The following VMAC variants were observed in gnomAD, a reference collection of about 807,000 sequenced individuals.
The protein encoded by VMAC is vimentin-type intermediate filament-associated coiled-coil protein.
Under a neutral mutation model 4.8 loss-of-function variants are expected in VMAC, and 8 were observed. The ratio of observed to expected loss-of-function variants is 1.68; its 90% CI spans 0.99 to 3.03. The LOEUF is 3.03. Among genes scored for constraint, VMAC ranks in the 30% most tolerant of loss-of-function variants. VMAC has a pLI of 0.00. For synonymous variants in VMAC, 96 were observed against 113.7 expected (o/e 0.84, Z 0.99); for missense variants, 248 against 245.1 (o/e 1.01, Z -0.08).
intron 1 of VMAC, among the ~76,000 whole-genome samples, chr19:5,907,849 C>T (rs1043087154): frequency 1.3e-5 from 2 of 152,090 alleles, no homozygotes; most frequent in Non-Finnish European, 2.9e-5. Flanking sequence ...CTCACTGTCT[C>T]TCCTGCTGCC....
intron 1 of VMAC, among the ~76,000 whole-genome samples, chr19:5,906,162 G>T (rs896528230): frequency 6.6e-6 from 1 of 151,894 alleles, no homozygotes; most frequent in Non-Finnish European, 1.5e-5. Flanking sequence ...TAGAAATGGG[G>T]TCAGACTATG....
In VMAC at chr19:5,908,987, G is replaced by T. The variant is rs368098224; in HGVS notation, c.355G>T (p.Asp119Tyr). Residue 119 changes from aspartate (D) to tyrosine (Y), a missense_variant, in exon 2 of 2, where the codon GAT becomes TAT. By Grantham distance (160) the Asp-to-Tyr change is radical (BLOSUM62 -3). Coordinates refer to ENST00000339485, the MANE Select transcript of VMAC (RefSeq NM_001017921.4). The surrounding 1 kb of genome is among the most constrained non-coding windows in gnomAD (Gnocchi z 4.5). ...CCGGCCACCCCTGGCTGGGCTGCTGGATGCCCTGGCTGAGGCTGAGCGCCT... is the reference window on the plus strand; with the variant it reads ...CCGGCCACCCCTGGCTGGGCTGCTGTATGCCCTGGCTGAGGCTGAGCGCCT... ...RRRPPLAGLL[D>Y]ALAEAERLGP... is the part of the protein sequence containing the mutation. The T allele has an allele frequency of 1.1e-4, 169 of 1,609,372 alleles. No homozygotes were observed. Among genetic ancestry groups the T allele is most frequent in the Middle Eastern group, 1.6e-4 (1 of 6,068 alleles).
In VMAC at chr19:5,910,300, G is replaced by T. The variant is rs758170390; in HGVS notation, c.*1158G>T. 2 of 152,234 alleles carry T rather than the reference G, an allele frequency of 1.3e-5. No individual in the cohort carries two copies. The highest frequency in any genetic ancestry group is 2.9e-5 in the Non-Finnish European group (2 of 68,064). The allele number at this position is 152,234 out of a possible 1,614,324, so 9.4% of individuals were successfully genotyped here. ...TGTGCCTCCTGGTAGGGTCCTGCTG[G>T]GCCAGGTAGAATCTAGGGAGTGTAG... On this transcript the variant is annotated 3_prime_UTR_variant, in exon 2 of 2. Coordinates refer to ENST00000339485, the MANE Select transcript of VMAC (RefSeq NM_001017921.4).
In VMAC at chr19:5,908,296, G is replaced by C. The variant is rs777747126; in HGVS notation, c.192-528G>C. On this transcript the variant is annotated intron_variant, in intron 1 of 1. Coordinates refer to ENST00000339485, the MANE Select transcript of VMAC (RefSeq NM_001017921.4). This position sits in a 1 kb window ranked among gnomAD's most constrained non-coding sequence, Gnocchi z 4.5. ...CAGAGGTTGCACTGAACTCCAGCCTGGGCAACAGAGCGAGACTGTCTCAGA... is the reference window on the plus strand; with the variant it reads ...CAGAGGTTGCACTGAACTCCAGCCTCGGCAACAGAGCGAGACTGTCTCAGA... Among the ~76,000 whole-genome samples, 11 of 152,072 alleles carry C rather than the reference G, an allele frequency of 7.2e-5. No homozygotes were observed. Among genetic ancestry groups the C allele is most frequent in the Non-Finnish European group, 1.5e-4 (10 of 68,018 alleles).
rs146062502 is a variant in VMAC, at chr19:5,909,133, C to T, written c.501C>T (p.Thr167=). 17 of 1,540,430 alleles carry T rather than the reference C, an allele frequency of 1.1e-5. No individual in the cohort carries two copies. In the Admixed American group the frequency reaches 1.4e-4, roughly 13 times the overall value. ...ACCTCCAGCCTGCAGTGTTTGGGAC[C>T]ACAGTGTGAGCCCGGAATGCAGATT... The part of the protein sequence containing the change: ...RDHLQPAVFG[T]TV The change falls in exon 2 of 2, where the codon ACC becomes ACT. Residue 167 remains threonine, a synonymous_variant. Coordinates refer to ENST00000339485, the MANE Select transcript of VMAC (RefSeq NM_001017921.4).
At position 5,908,226 on chromosome 19, in the gene VMAC, C is replaced by T. The variant is rs1449942127; in HGVS notation, c.192-598C>T. 6.6e-6 allele frequency among the ~76,000 whole-genome samples: 1 copy of T among 152,148 alleles called. No homozygotes were observed. The highest frequency in any genetic ancestry group is 6.6e-5 in the Admixed American group (1 of 15,266). ...AGGCATGGTGGCGCATGCCTGTAAA[C>T]CCAGCTACTCGGGAGGTTGAGGAGG... On this transcript the variant is annotated intron_variant, in intron 1 of 1. Transcript: ENST00000339485. The surrounding 1 kb of genome is among the most constrained non-coding windows in gnomAD (Gnocchi z 4.5).
rs752771622 is a variant in VMAC at position 5,909,343 on chromosome 19, T to G, written c.*201T>G. 2.6e-4 allele frequency: 141 copies of G among 551,136 alleles called. No homozygotes were observed. Among genetic ancestry groups the G allele is most frequent in the South Asian group, 1.3e-3 (48 of 35,750 alleles). The allele number at this position is 551,136 out of a possible 1,614,324, so 34.1% of individuals were successfully genotyped here. A position where few individuals can be genotyped will look rare whatever the true frequency, so the allele number is the denominator to read the frequency against. The stretch of plus-strand genomic sequence containing the variant: ...TAACCCAGACAGAAGTGTTCTTGTT[T>G]GTTTTTAAGCTTTGAATCAGTCACC... On this transcript the variant is annotated 3_prime_UTR_variant, in exon 2 of 2. Coordinates refer to ENST00000339485, the MANE Select transcript of VMAC (RefSeq NM_001017921.4).
rs188731239 is a variant in VMAC, at chr19:5,906,601, A to T, written c.191+1520A>T. Among the ~76,000 whole-genome samples, 49 of 152,312 alleles carry T rather than the reference A, an allele frequency of 3.2e-4. 1 individual carries two copies. The highest frequency in any genetic ancestry group is 2.7e-3 in the Admixed American group (41 of 15,304). On this transcript the variant is annotated intron_variant, in intron 1 of 1. Coordinates refer to ENST00000339485, the MANE Select transcript of VMAC (RefSeq NM_001017921.4). Reference sequence around the variant, plus strand: ...GCCAGCGGCCATGATGGAGGGGCATATGGGGCTCTGAGGGATCTCAGAGTG... The same window carrying T: ...GCCAGCGGCCATGATGGAGGGGCATTTGGGGCTCTGAGGGATCTCAGAGTG...
chr19:5,905,926 C>T (rs1171708070), intron 1 of VMAC, among the ~76,000 whole-genome samples: 2 of 151,984 alleles, frequency 1.3e-5, no homozygotes, highest in Admixed American at 6.6e-5. Flanking sequence ...AACTCCTGGG[C>T]TCAAGCAGTC....
In VMAC at chr19:5,905,008, C is replaced by A. The variant is rs1311267881; in HGVS notation, c.118C>A (p.Gln40Lys). The change falls in exon 1 of 2, where the codon CAA becomes AAA. Residue 40 changes from glutamine (Q) to lysine (K), a missense_variant. Physicochemically the swap from Gln to Lys is moderately conservative, Grantham distance 53 (BLOSUM62 1). Transcript: ENST00000339485. Reference sequence around the variant, plus strand: ...CGCGGCGGAGCGCACGGTGCACGCCCAAGCCGAGCGCCTGGCCCTCCACGA... The same window carrying A: ...CGCGGCGGAGCGCACGGTGCACGCCAAAGCCGAGCGCCTGGCCCTCCACGA... ...LDAAERTVHA[Q>K]AERLALHDQQ... is the part of the protein sequence containing the mutation. The A allele has an allele frequency of 2.1e-6, 3 of 1,434,148 alleles. No homozygotes were observed. The highest frequency in any genetic ancestry group is 2.7e-6 in the Non-Finnish European group (3 of 1,104,182). 88.8% of individuals were successfully genotyped at this position (1,434,148 alleles called of 1,614,324 possible).
Position 5,909,233 on chromosome 19 carries a change from C to T in VMAC, c.*91C>T. On this transcript the variant is annotated 3_prime_UTR_variant, in exon 2 of 2. Coordinates refer to ENST00000339485, the MANE Select transcript of VMAC (RefSeq NM_001017921.4). ...AGCACCCTGCAGGGGGACCCTACGG[C>T]AGAGCCAAAGTCCTGTCTAAGCATC... 2.9e-6 allele frequency: 4 copies of T among 1,403,468 alleles called. No homozygotes were observed. The highest frequency in any genetic ancestry group is 1.8e-4 in the Middle Eastern group (1 of 5,406). 86.9% of individuals were successfully genotyped at this position (1,403,468 alleles called of 1,614,324 possible). A position where few individuals can be genotyped will look rare whatever the true frequency, so the allele number is the denominator to read the frequency against.
Position 5,904,926 on chromosome 19 carries a change from A to C in VMAC, c.36A>C (p.Ala12=), listed in dbSNP as rs2057672312. 6.7e-7 allele frequency: 1 copy of C among 1,491,356 alleles called. No individual in the cohort carries two copies. The allele number at this position is 1,491,356 out of a possible 1,614,324, so 92.4% of individuals were successfully genotyped here. A position where few individuals can be genotyped will look rare whatever the true frequency, so the allele number is the denominator to read the frequency against. The change falls in exon 1 of 2, where the codon GCA becomes GCC. Residue 12 remains alanine (A), a synonymous_variant. Coordinates refer to ENST00000339485, the MANE Select transcript of VMAC (RefSeq NM_001017921.4). ...SAPPALQIRE[A]NAHLAAVHRR... ...CGCCGGCCCTGCAGATCCGGGAGGC[A>C]AACGCACACCTGGCAGCCGTGCACC...
At chr19:5,906,486 G>GAGC (rs1307324054) in intron 1 of VMAC, among the ~76,000 whole-genome samples, 2 of 152,196 alleles carry the variant, frequency 1.3e-5, no homozygotes, top group African/African-American at 2.4e-5. Context: ...CTGAGTACTG[G>GAGC]AGCACATCAG....
chr19:5,905,179 C>T, intron 1 of VMAC, 98 bp downstream of exon 1: 1 of 1,208,366 alleles, frequency 8.3e-7, no homozygotes, highest in South Asian at 2.2e-5. Flanking sequence ...ACCGTGTGCA[C>T]TTGTATAGAC....
rs1180511182 is a variant in VMAC, at chr19:5,910,068, C to T, written c.*926C>T. 1 of 152,208 alleles carries T rather than the reference C, an allele frequency of 6.6e-6. No individual in the cohort carries two copies. Among genetic ancestry groups the T allele is most frequent in the East Asian group, 1.9e-4 (1 of 5,190 alleles). 9.4% of individuals were successfully genotyped at this position (152,208 alleles called of 1,614,324 possible). On this transcript the variant is annotated 3_prime_UTR_variant, in exon 2 of 2. Transcript: ENST00000339485. ...GTTTCAGACCAGAAAGGTCGGAGGC[C>T]ACCCACGGCCTTCAGGATGGCGCCC...
In VMAC at chr19:5,904,959, A is replaced by T. The variant is rs2057672605; in HGVS notation, c.69A>T (p.Ala23=). The stretch of plus-strand genomic sequence containing the variant: ...ACCTGGCAGCCGTGCACCGGCGCGC[A>T]GCGGAGCTGGAGGCGCGGCTGGACG... The part of the protein sequence containing the change: ...NAHLAAVHRR[A]AELEARLDAA... Residue 23 remains alanine (A), a synonymous_variant, in exon 1 of 2, where the codon GCA becomes GCT. Coordinates refer to ENST00000339485, the MANE Select transcript of VMAC (RefSeq NM_001017921.4). 1 of 1,478,994 alleles carries T rather than the reference A, an allele frequency of 6.8e-7. No individual in the cohort carries two copies. The highest frequency in any genetic ancestry group is 1.5e-5 in the African/African-American group (1 of 68,110). 91.6% of individuals were successfully genotyped at this position (1,478,994 alleles called of 1,614,324 possible). A position where few individuals can be genotyped will look rare whatever the true frequency, so the allele number is the denominator to read the frequency against.
Position 5,908,946 on chromosome 19 carries a change from A to AG in VMAC, c.316dup (p.Asp106GlyfsTer18). On this transcript the variant is annotated frameshift_variant, in exon 2 of 2. Coordinates refer to ENST00000339485, the MANE Select transcript of VMAC (RefSeq NM_001017921.4). LOFTEE classifies it low-confidence loss of function (END_TRUNC). The surrounding 1 kb of genome is among the most constrained non-coding windows in gnomAD (Gnocchi z 4.5). ...TTGCAGCCCCGGGCTGAGCTGCTGC[A>AG]GGACATCTGCCGCCGCCGGCCACCC... The AG allele has an allele frequency of 6.2e-7, 1 of 1,613,588 alleles. No homozygotes were observed.
At position 5,910,696 on chromosome 19, in the gene VMAC, CAA is replaced by C. The variant is rs1208531051; in HGVS notation, c.*1555_*1556del. The C allele has an allele frequency of 6.6e-6, 1 of 151,434 alleles. No homozygotes were observed. The allele number at this position is 151,434 out of a possible 1,614,324, so 9.4% of individuals were successfully genotyped here. A position where few individuals can be genotyped will look rare whatever the true frequency, so the allele number is the denominator to read the frequency against. ...AAGAAAACAACAACAACAACAACAA[CAA>C]CAACAACAACAACAAACAGAGGCCC... On this transcript the variant is annotated 3_prime_UTR_variant, in exon 2 of 2. Transcript: ENST00000339485.
chr19:5,905,744 G>A (rs2057676517), intron 1 of VMAC, among the ~76,000 whole-genome samples: 1 of 151,956 alleles, frequency 6.6e-6, no homozygotes, highest in East Asian at 1.9e-4. Context: ...TTTTGAGGCA[G>A]GGCCTCACTC....
Sources: gnomAD v4.1 joint callset for allele counts (sites outside exome capture counted in the v4.1 genomes callset) on GRCh38, gnomAD v4.1.1 for gene constraint, Gnocchi (gnomAD v3.1) non-coding constraint, MANE v1.5 for transcripts, NCBI Gene and HGNC (gene_info 2026-07-23, HGNC 2026-07-21) for gene names.